Variants in OMA1 observed in about 807,000 individuals in gnomAD.
The protein encoded by OMA1 is metalloendopeptidase OMA1, mitochondrial.
OMA1 carries 38 observed loss-of-function variants against 30.9 expected under a neutral mutation model. That is an observed-to-expected ratio of 1.23 (90% CI 0.95 to 1.61). OMA1 has a LOEUF of 1.61. Ranked by LOEUF, OMA1 falls within the 40% of genes most tolerant of loss-of-function variation. OMA1 has a pLI of 0.00. For missense variants in OMA1, 461 were observed against 349.2 expected (o/e 1.32, Z -2.55); for synonymous variants, 173 against 121.9 (o/e 1.42, Z -2.76).
Position 58,527,124 on chromosome 1 carries a change from G to C in OMA1, c.1215+137C>G, listed in dbSNP as rs1477500737. On this transcript the variant is annotated intron_variant, in intron 7 of 8. Transcript: ENST00000371226. Reference sequence around the variant, plus strand: ...AAGGTCCATAATCTTCAAATTTCTAGATTAACAGAAATTACATAAAGGGCT... The same window carrying C: ...AAGGTCCATAATCTTCAAATTTCTACATTAACAGAAATTACATAAAGGGCT... The C allele has an allele frequency of 5.1e-6, 3 of 593,914 alleles. No individual in the cohort carries two copies. In the African/African-American group the frequency reaches 5.6e-5, roughly 11 times the overall value. 36.8% of individuals were successfully genotyped at this position (593,914 alleles called of 1,614,324 possible).
At chr1:58,530,038 G>A (rs910889460) in intron 6 of OMA1, among the ~76,000 whole-genome samples, 1 of 151,986 alleles carries the variant, frequency 6.6e-6, no homozygotes, top group East Asian at 1.9e-4. Flanking sequence ...CCGCCACAAC[G>A]CCAGGCTAAT....
chr1:58,513,288 A>G (rs1190395428), intron 7 of OMA1, among the ~76,000 whole-genome samples: 3 of 152,154 alleles, frequency 2.0e-5, no homozygotes, highest in South Asian at 2.1e-4. Context: ...CACCATGATT[A>G]TAAGTTTCCT....
At chr1:58,543,605 C>G (rs1041100839) in intron 1 of OMA1, among the ~76,000 whole-genome samples, 2 of 152,124 alleles carry the variant, frequency 1.3e-5, no homozygotes, top group Admixed American at 6.5e-5. Context: ...AAATGCAAAC[C>G]CTGGCAACAG....
Position 58,536,723 on chromosome 1 carries a change from C to G in OMA1, c.519G>C (p.Trp173Cys), listed in dbSNP as rs141632709. The change falls in exon 3 of 9, where the codon TGG (tryptophan) becomes TGC (cysteine). Residue 173 changes from tryptophan to cysteine, a missense_variant. Transcript: ENST00000371226. ...CCTTCTTGTTAGGAGGAAGTGCCTG[C>G]CACCATTTCCTTATGCCCCTAAAGC... The part of the protein sequence containing the change: ...IIVGRGIRKW[W>C]QALPPNKKEV... 5.0e-5 allele frequency: 44 copies of G among 872,528 alleles called. No homozygotes were observed. Among genetic ancestry groups the G allele is most frequent in the Non-Finnish European group, 7.8e-5 (39 of 501,504 alleles). 54.0% of individuals were successfully genotyped at this position (872,528 alleles called of 1,614,324 possible). A position where few individuals can be genotyped will look rare whatever the true frequency, so the allele number is the denominator to read the frequency against.
chr1:58,510,041 T>C (rs778256934), intron 7 of OMA1, among the ~76,000 whole-genome samples: 5 of 152,090 alleles, frequency 3.3e-5, no homozygotes, highest in Admixed American at 2.6e-4. Context: ...ACCTCACTGG[T>C]GAATGCCACC....
At chr1:58,533,045 T>C (rs1490286291) in intron 5 of OMA1, among the ~76,000 whole-genome samples, 1 of 152,250 alleles carries the variant, frequency 6.6e-6, no homozygotes, top group Non-Finnish European at 1.5e-5. Flanking sequence ...CACTTCACTA[T>C]GTACCTTTGC....
chr1:58,508,657 G>A (rs1479097616), intron 7 of OMA1, among the ~76,000 whole-genome samples: 2 of 152,130 alleles, frequency 1.3e-5, no homozygotes, highest in African/African-American at 2.4e-5. Context: ...GCTGCCCTAG[G>A]AACTGGCTTC....
chr1:58,543,709 A>T (rs939068701), intron 1 of OMA1, among the ~76,000 whole-genome samples: 10 of 152,238 alleles, frequency 6.6e-5, no homozygotes, highest in Non-Finnish European at 2.9e-5. Flanking sequence ...TCTTTAAAAG[A>T]TTTAAAAGAT....
chr1:58,545,970 C>T (rs903534667), intron 1 of OMA1, among the ~76,000 whole-genome samples: 5 of 152,164 alleles, frequency 3.3e-5, no homozygotes, highest in Non-Finnish European at 7.4e-5. Flanking sequence ...ATCCTTTTAG[C>T]GAGGGTTGCA....
intron 8 of OMA1, among the ~76,000 whole-genome samples, chr1:58,487,167 G>C (rs1645590364): frequency 6.6e-6 from 1 of 152,204 alleles, no homozygotes; most frequent in African/African-American, 2.4e-5. Flanking sequence ...ACTTTTACTA[G>C]GAAAGGAGCA....
chr1:58,538,670 G>A, intron 2 of OMA1, 125 bp downstream of exon 2: 2 of 517,686 alleles, frequency 3.9e-6, no homozygotes, highest in Admixed American at 3.7e-5. Context: ...AGGGGATCTG[G>A]CAAGGTTTCT....
intron 8 of OMA1, among the ~76,000 whole-genome samples, chr1:58,498,355 G>C (rs1045262251): frequency 1.3e-5 from 2 of 151,932 alleles, no homozygotes; most frequent in Non-Finnish European, 1.5e-5. Flanking sequence ...GCTCATGAGA[G>C]GTTTAAATTT....
At chr1:58,540,624 C>T (rs897711192) in intron 1 of OMA1, among the ~76,000 whole-genome samples, 1 of 148,716 alleles carries the variant, frequency 6.7e-6, no homozygotes, top group African/African-American at 2.5e-5. Flanking sequence ...AGACTAACAG[C>T]AGATTAACAT....
intron 7 of OMA1, among the ~76,000 whole-genome samples, chr1:58,508,205 A>C (rs1646019940): frequency 6.6e-6 from 1 of 152,218 alleles, no homozygotes; most frequent in Admixed American, 6.5e-5. Flanking sequence ...TGTTAAGATA[A>C]GAGTGTTGAG....
chr1:58,488,570 G>T (rs1645616977), intron 8 of OMA1, among the ~76,000 whole-genome samples: 1 of 152,154 alleles, frequency 6.6e-6, no homozygotes, highest in South Asian at 2.1e-4. Context: ...TCCTGTGTCA[G>T]CCTCCTGAGT....
At chr1:58,484,032 C>T (rs1323923356) in intron 8 of OMA1, among the ~76,000 whole-genome samples, 1 of 152,154 alleles carries the variant, frequency 6.6e-6, no homozygotes, top group Admixed American at 6.5e-5. Context: ...GATGCCATCC[C>T]CTAAGATCTT....
intron 2 of OMA1, among the ~76,000 whole-genome samples, chr1:58,537,267 G>A (rs1303133259): frequency 6.6e-6 from 1 of 152,074 alleles, no homozygotes; most frequent in East Asian, 1.9e-4. Context: ...AAATAATTAT[G>A]TAAGAGGTTA....
At chr1:58,495,170 C>CA (rs1451394131) in intron 8 of OMA1, among the ~76,000 whole-genome samples, 19 of 152,024 alleles carry the variant, frequency 1.2e-4, no homozygotes, top group Non-Finnish European at 2.2e-4. Context: ...ATTGCAAGGA[C>CA]AAAAAACTAA....
intron 8 of OMA1, among the ~76,000 whole-genome samples, chr1:58,493,978 G>A (rs1645747986): frequency 6.8e-6 from 1 of 146,878 alleles, no homozygotes; most frequent in African/African-American, 2.5e-5. Flanking sequence ...TAAGCAAAAA[G>A]AACAAAGCTG....
Sources: gnomAD v4.1 joint callset for allele counts (sites outside exome capture counted in the v4.1 genomes callset) on GRCh38, gnomAD v4.1.1 for gene constraint, MANE v1.5 for transcripts, NCBI Gene and HGNC (gene_info 2026-07-23, HGNC 2026-07-21) for gene names.